The following NLGN1 variants were observed in gnomAD, a reference collection of about 807,000 sequenced individuals.
NLGN1 encodes neuroligin-1.
A neutral mutation model predicts 65.5 loss-of-function variants in NLGN1; 12 were observed. The ratio of observed to expected loss-of-function variants is 0.18; its 90% CI spans 0.12 to 0.30. NLGN1 has a LOEUF of 0.30. NLGN1 is among the 10% of genes least tolerant of loss of function. NLGN1 has a pLI of 1.00. For synonymous variants in NLGN1, 350 were observed against 359.5 expected (o/e 0.97, Z 0.30); for missense variants, 750 against 1,007.1 (o/e 0.74, Z 3.46).
At chr3:173,817,147 T>C (rs1719189756) in intron 4 of NLGN1, among the ~76,000 whole-genome samples, 1 of 151,990 alleles carries the variant, frequency 6.6e-6, no homozygotes, top group African/African-American at 2.4e-5. Flanking sequence ...GAAAAGAGGG[T>C]CTGGGTGAAA....
intron 3 of NLGN1, among the ~76,000 whole-genome samples, chr3:173,802,197 A>T (rs1027974630): frequency 6.6e-6 from 1 of 151,912 alleles, no homozygotes; most frequent in Non-Finnish European, 1.5e-5. Flanking sequence ...ACCTATTTAG[A>T]GTAGGTAAGT....
chr3:173,475,895 A>G (rs1009801107), intron 2 of NLGN1, among the ~76,000 whole-genome samples: 1 of 152,240 alleles, frequency 6.6e-6, no homozygotes, highest in Admixed American at 6.5e-5. Flanking sequence ...AATTGGGTCT[A>G]TTTATTAACT....
At chr3:174,105,419 C>G (rs1713503229) in intron 4 of NLGN1, among the ~76,000 whole-genome samples, 1 of 151,878 alleles carries the variant, frequency 6.6e-6, no homozygotes, top group South Asian at 2.1e-4. Flanking sequence ...GCACCCATAT[C>G]CCAACTACTC....
intron 4 of NLGN1, among the ~76,000 whole-genome samples, chr3:174,050,922 A>G (rs758330779): frequency 3.3e-5 from 5 of 152,038 alleles, no homozygotes; most frequent in African/African-American, 4.8e-5. Flanking sequence ...TCCAGCCACG[A>G]GAGAAGAGAA....
At chr3:173,890,991 G>T (rs1030824976) in intron 4 of NLGN1, among the ~76,000 whole-genome samples, 1 of 152,154 alleles carries the variant, frequency 6.6e-6, no homozygotes, top group African/African-American at 2.4e-5. Flanking sequence ...ATAATGTATG[G>T]ACTGAAGACA....
chr3:173,642,523 A>T (rs1053529180), intron 3 of NLGN1, among the ~76,000 whole-genome samples: 1 of 152,218 alleles, frequency 6.6e-6, no homozygotes, highest in Admixed American at 6.5e-5. Context: ...TGATGTGTAA[A>T]CAAAACTAGA....
intron 2 of NLGN1, among the ~76,000 whole-genome samples, chr3:173,494,122 A>AGTGTGT (rs63066860): frequency 0.025 from 3,688 of 147,890 alleles, 112 homozygotes; most frequent in African/African-American, 0.048. Flanking sequence ...GTTATAGGTG[A>AGTGTGT]GTGTGTGTGT....
At chr3:173,696,185 A>G (rs1440860820) in intron 3 of NLGN1, among the ~76,000 whole-genome samples, 1 of 152,218 alleles carries the variant, frequency 6.6e-6, no homozygotes. Context: ...GAAATCTATT[A>G]GAATATACAA....
At chr3:174,128,244 G>C (rs940990137) in intron 4 of NLGN1, among the ~76,000 whole-genome samples, 2 of 152,132 alleles carry the variant, frequency 1.3e-5, no homozygotes, top group Non-Finnish European at 2.9e-5. Context: ...TAGCCTGAGA[G>C]CCAGCAGGAA....
intron 3 of NLGN1, among the ~76,000 whole-genome samples, chr3:173,641,115 C>G (rs1398012877): frequency 6.6e-6 from 1 of 152,126 alleles, no homozygotes; most frequent in African/African-American, 2.4e-5. Flanking sequence ...GTGACTAAAT[C>G]ATTACACTAG....
chr3:173,882,048 A>G (rs1733443560), intron 4 of NLGN1, among the ~76,000 whole-genome samples: 1 of 152,220 alleles, frequency 6.6e-6, no homozygotes, highest in Admixed American at 6.5e-5. Flanking sequence ...TAGCAGGCAT[A>G]AAAACAATAA....
At chr3:173,995,840 C>T (rs1446287589) in intron 4 of NLGN1, among the ~76,000 whole-genome samples, 1 of 151,728 alleles carries the variant, frequency 6.6e-6, no homozygotes, top group Non-Finnish European at 1.5e-5. Flanking sequence ...GTGCACATAC[C>T]ATACTCGGCT....
At chr3:173,881,538 C>CCTCA (rs1173851081) in intron 4 of NLGN1, among the ~76,000 whole-genome samples, 1 of 151,124 alleles carries the variant, frequency 6.6e-6, no homozygotes, top group Admixed American at 6.6e-5. Context: ...CATTCTCCTG[C>CCTCA]CTCAGCCTCC....
intron 4 of NLGN1, among the ~76,000 whole-genome samples, chr3:173,887,669 A>G (rs1734602664): frequency 6.6e-6 from 1 of 152,000 alleles, no homozygotes; most frequent in Non-Finnish European, 1.5e-5. Flanking sequence ...GGATAGTTTA[A>G]ATTCTAATTT....
intron 4 of NLGN1, among the ~76,000 whole-genome samples, chr3:173,896,543 TA>T (rs1477331334): frequency 3.3e-5 from 5 of 152,222 alleles, no homozygotes; most frequent in African/African-American, 1.2e-4. Context: ...TTTACTTTCA[TA>T]GTGTTTATGA....
At chr3:174,118,475 T>C (rs1717035712) in intron 4 of NLGN1, among the ~76,000 whole-genome samples, 1 of 152,148 alleles carries the variant, frequency 6.6e-6, no homozygotes, top group Admixed American at 6.5e-5. Flanking sequence ...TGTGAGTACC[T>C]AATGTAGTGA....
intron 4 of NLGN1, among the ~76,000 whole-genome samples, chr3:174,018,652 A>T (rs1727110963): frequency 6.6e-6 from 1 of 152,140 alleles, no homozygotes; most frequent in African/African-American, 2.4e-5. Flanking sequence ...AAACAAAATT[A>T]AACTTTCCTT....
At chr3:173,921,096 G>A (rs1241385586) in intron 4 of NLGN1, among the ~76,000 whole-genome samples, 1 of 150,116 alleles carries the variant, frequency 6.7e-6, no homozygotes, top group East Asian at 1.9e-4. Context: ...ATCCTCCAAA[G>A]CAATTTGGAA....
At chr3:173,863,473 A>G (rs1729537634) in intron 4 of NLGN1, among the ~76,000 whole-genome samples, 1 of 152,208 alleles carries the variant, frequency 6.6e-6, no homozygotes, top group African/African-American at 2.4e-5. Flanking sequence ...TCTTATTACA[A>G]CAATTTTTTT....
Sources: allele counts gnomAD v4.1 joint callset (sites outside exome capture counted in the v4.1 genomes callset), GRCh38; gene constraint gnomAD v4.1.1; transcripts MANE v1.5; gene names NCBI Gene and HGNC (gene_info 2026-07-23, HGNC 2026-07-21).